PSAP: variants seen among roughly 807,000 people sequenced by gnomAD.
PSAP encodes prosaposin.
In PSAP, 25 loss-of-function variants were observed where a neutral mutation model predicts 66.0. The ratio of observed to expected loss-of-function variants is 0.38; its 90% CI spans 0.28 to 0.53. The LOEUF (loss-of-function observed/expected upper bound fraction) is 0.53, where lower values mean the gene tolerates loss of function less well. Ranked by LOEUF, PSAP falls within the 20% of genes least tolerant of loss-of-function variation. The probability of loss-of-function intolerance (pLI) is 0.83; values close to 1 mark genes in which losing one functional copy is unlikely to be tolerated. For synonymous variants in PSAP, 273 were observed against 258.9 expected (o/e 1.05, Z -0.52); for missense variants, 649 against 668.8 (o/e 0.97, Z 0.33).
intron 4 of PSAP, 137 bp from the exon 5 acceptor site, chr10:71,829,214 G>A (rs1197788639): frequency 2.3e-6 from 2 of 879,936 alleles, no homozygotes; most frequent in Non-Finnish European, 3.6e-6. Flanking sequence ...AATTCAAACT[G>A]CTCAGCATAC....
chr10:71,827,653 T>C (rs925465459), intron 6 of PSAP, among the ~76,000 whole-genome samples: 1 of 138,830 alleles, frequency 7.2e-6, no homozygotes, highest in African/African-American at 2.7e-5. Context: ...CTGGAACCCA[T>C]GAGGTAGAGG....
At chr10:71,826,001 A>G in intron 6 of PSAP, 108 bp from the exon 7 acceptor site, 1 of 920,354 alleles carries the variant, frequency 1.1e-6, no homozygotes, top group Non-Finnish European at 1.8e-6. Context: ...GTGACTATCA[A>G]GCAAGTTTCT....
chr10:71,820,861 G>A (rs965938402), intron 8 of PSAP, among the ~76,000 whole-genome samples: 1 of 152,214 alleles, frequency 6.6e-6, no homozygotes, highest in African/African-American at 2.4e-5. Context: ...GATGTTCTGT[G>A]GCAATGGAAA....
At chr10:71,844,283 T>G (rs1257861392) in intron 1 of PSAP, among the ~76,000 whole-genome samples, 1 of 152,248 alleles carries the variant, frequency 6.6e-6, no homozygotes, top group South Asian at 2.1e-4. Flanking sequence ...ATGTTTTCCA[T>G]GTACACAAGG....
intron 7 of PSAP, chr10:71,823,818 A>C: frequency 1.0e-6 from 1 of 994,142 alleles, no homozygotes; most frequent in South Asian, 1.7e-5. Flanking sequence ...GCCATACCCA[A>C]AAAAAAAAAA....
intron 7 of PSAP, chr10:71,822,310 A>T: frequency 2.2e-6 from 1 of 455,222 alleles, no homozygotes; most frequent in South Asian, 2.0e-5. Context: ...CACATCTCCA[A>T]GGACACCTGG....
chr10:71,849,293 T>C (rs1199670171), intron 1 of PSAP, among the ~76,000 whole-genome samples: 3 of 152,244 alleles, frequency 2.0e-5, no homozygotes, highest in Non-Finnish European at 4.4e-5. Context: ...AGGGTCAAGA[T>C]ACATTCTTGA....
chr10:71,842,968 T>A (rs568720512), intron 1 of PSAP, among the ~76,000 whole-genome samples: 1 of 152,234 alleles, frequency 6.6e-6, no homozygotes, highest in Admixed American at 6.5e-5. Flanking sequence ...TGGCTACACC[T>A]CCTGGCACTC....
At chr10:71,834,106 G>A (rs372381777) in intron 2 of PSAP, among the ~76,000 whole-genome samples, 15 of 152,280 alleles carry the variant, frequency 9.9e-5, no homozygotes, top group East Asian at 9.6e-4. Flanking sequence ...ACCTGGAGCC[G>A]CAGGCATGGG....
At position 71,820,592 on chromosome 10, in the gene PSAP, A is replaced by G. The variant is rs1336559826; in HGVS notation, c.910-257T>C. On this transcript the variant is annotated intron_variant, in intron 8 of 13. Coordinates refer to ENST00000394936, the MANE Select transcript of PSAP (RefSeq NM_002778.4). The stretch of plus-strand genomic sequence containing the variant: ...AACAAAACCCAGGAATTCACAGTTC[A>G]GGAGACAGAAAGTCCCTTCCCCACC... 5.5e-5 allele frequency among the ~76,000 whole-genome samples: 8 copies of G among 146,650 alleles called. No individual in the cohort carries two copies. The Admixed American group carries it at 5.6e-4, about 10-fold the overall frequency.
chr10:71,843,688 T>C (rs1842770882), intron 1 of PSAP, among the ~76,000 whole-genome samples: 1 of 152,094 alleles, frequency 6.6e-6, no homozygotes, highest in Admixed American at 6.6e-5. Context: ...GACACATCCA[T>C]ACAATGAAAT....
chr10:71,850,736 A>G (rs1365579962), intron 1 of PSAP, among the ~76,000 whole-genome samples: 4 of 152,282 alleles, frequency 2.6e-5, no homozygotes, highest in Non-Finnish European at 5.9e-5. Flanking sequence ...CAGCTTCGCT[A>G]CCCTTACAAA....
In PSAP at chr10:71,819,081, CG is replaced by C; in HGVS notation, c.1380del (p.Val461CysfsTer2). Reference protein sequence around the residue: ...QCDQFVAEYEPVLIEILVEVM... With the variant: ...QCDQFVAEYEXVLIEILVEVM... Reference sequence around the variant, plus strand: ...ACCTCCACCAGGATCTCGATCAGCACGGGCTCGTACTCTGCCACAAACTGAT... The same window carrying C: ...ACCTCCACCAGGATCTCGATCAGCACGGCTCGTACTCTGCCACAAACTGAT... On this transcript the variant is annotated frameshift_variant, in exon 12 of 14. Coordinates refer to ENST00000394936, the MANE Select transcript of PSAP (RefSeq NM_002778.4). LOFTEE classifies it high-confidence loss of function. 5 of 1,614,160 alleles carry C rather than the reference CG, an allele frequency of 3.1e-6. No homozygotes were observed. Among genetic ancestry groups the C allele is most frequent in the Non-Finnish European group, 4.2e-6 (5 of 1,180,008 alleles).
At chr10:71,846,404 T>C (rs190098880) in intron 1 of PSAP, among the ~76,000 whole-genome samples, 218 of 147,484 alleles carry the variant, frequency 1.5e-3, no homozygotes, top group African/African-American at 5.4e-3. Flanking sequence ...ACTGTATTTA[T>C]CATCATTGTT....
rs1842250736 is a variant in PSAP, at chr10:71,819,529, T to C, written c.1286A>G (p.Lys429Arg). ...LDRNLEKNST[K>R]QEILAALEKG... Reference sequence around the variant, plus strand: ...CTCAAGAGCAGCCAGGATCTCCTGCTTGGTGCTGTTTTTCTCCAGGTTGCG... The same window carrying C: ...CTCAAGAGCAGCCAGGATCTCCTGCCTGGTGCTGTTTTTCTCCAGGTTGCG... Residue 429 changes from lysine (K) to arginine (R), a missense_variant, in exon 11 of 14, where the codon AAG becomes AGG. Coordinates refer to ENST00000394936, the MANE Select transcript of PSAP (RefSeq NM_002778.4). The C allele has an allele frequency of 1.9e-6, 3 of 1,614,130 alleles. No homozygotes were observed. Among genetic ancestry groups the C allele is most frequent in the Non-Finnish European group, 1.7e-6 (2 of 1,180,062 alleles).
At chr10:71,835,832 A>C (rs1264454422) in intron 1 of PSAP, among the ~76,000 whole-genome samples, 2 of 132,334 alleles carry the variant, frequency 1.5e-5, no homozygotes, top group East Asian at 2.1e-4. Context: ...AAAAAAAAAA[A>C]AAAAAAACAA....
chr10:71,829,270 G>GCCC (rs1369608374), intron 4 of PSAP, among the ~76,000 whole-genome samples, 193 bp from the exon 5 acceptor site: 2 of 152,162 alleles, frequency 1.3e-5, no homozygotes, highest in Non-Finnish European at 2.9e-5. Flanking sequence ...CCACACAGTG[G>GCCC]CCCCTAAGCT....
At chr10:71,834,780 A>AC (rs1361556986) in intron 1 of PSAP, among the ~76,000 whole-genome samples, 2 of 152,200 alleles carry the variant, frequency 1.3e-5, no homozygotes, top group Non-Finnish European at 2.9e-5. Context: ...CAGAACTTTA[A>AC]CCTTAAAATG....
rs1842178220 is a variant in PSAP at position 71,816,959 on chromosome 10, A to G, written c.*482T>C. On this transcript the variant is annotated 3_prime_UTR_variant, in exon 14 of 14. Coordinates refer to ENST00000394936, the MANE Select transcript of PSAP (RefSeq NM_002778.4). ...TTATTCCAGGCTTCTAATCTTTCAT[A>G]TAAAACTGCCTTTGTTTTGCTGCTT... is the stretch of plus-strand genomic sequence containing the variant. The G allele has an allele frequency of 4.8e-6, 1 of 209,488 alleles. No homozygotes were observed. The highest frequency in any genetic ancestry group is 9.9e-6 in the Non-Finnish European group (1 of 101,450). 13.0% of individuals were successfully genotyped at this position (209,488 alleles called of 1,614,324 possible).
Sources: allele counts gnomAD v4.1 joint callset (sites outside exome capture counted in the v4.1 genomes callset), GRCh38; gene constraint gnomAD v4.1.1; transcripts MANE v1.5; gene names NCBI Gene and HGNC (gene_info 2026-07-23, HGNC 2026-07-21).